The following OBI1 variants were observed in gnomAD, a reference collection of about 807,000 sequenced individuals.
OBI1 encodes ring finger protein 219.
OBI1 carries 59 observed loss-of-function variants against 62.4 expected under a neutral mutation model. That is an observed-to-expected ratio of 0.95 (90% CI 0.77 to 1.17). The LOEUF (loss-of-function observed/expected upper bound fraction) is 1.17. Among genes scored for constraint, OBI1 ranks in the 50% most tolerant of loss-of-function variants. The pLI, the probability that OBI1 is intolerant of heterozygous loss-of-function variation, is 0.00. For missense variants in OBI1, 875 were observed against 830.9 expected (o/e 1.05, Z -0.65); for synonymous variants, 302 against 292.8 (o/e 1.03, Z -0.32).
chr13:78,616,221 T>C lies in OBI1; in HGVS notation c.1540A>G (p.Ile514Val), dbSNP rs533232798. 7.4e-6 allele frequency: 12 copies of C among 1,614,092 alleles called. No homozygotes were observed. Among genetic ancestry groups the C allele is most frequent in the East Asian group, 4.5e-5 (2 of 44,870 alleles). ...GTCCGGTTCATTTCAAAAGAGCGAA[T>C]AGAATTCAACCTTTTGGATAAACAT... ...GLCLSKRLNSIRSFEMNRTRT... is the reference protein window; with the variant it reads ...GLCLSKRLNSVRSFEMNRTRT... Residue 514 changes from isoleucine to valine, a missense_variant, in exon 6 of 6, where the codon ATT (isoleucine) becomes GTT (valine). By Grantham distance (29) the Ile-to-Val change is conservative. Coordinates refer to ENST00000282003, the MANE Select transcript of OBI1 (RefSeq NM_024546.4).
At position 78,616,019 on chromosome 13, in the gene OBI1, T is replaced by G. The variant is rs369495978; in HGVS notation, c.1742A>C (p.Asp581Ala). 4 of 1,614,170 alleles carry G rather than the reference T, an allele frequency of 2.5e-6. No homozygotes were observed. Among genetic ancestry groups the G allele is most frequent in the African/African-American group, 1.3e-5 (1 of 75,052 alleles). ...TAGCTCAGTTTTTTCTTCCAACTTA[T>G]CAGGTTCCTCAAGAAATTCACTGCC... Reference protein sequence around the residue: ...SQGSEFLEEPDKLEEKTELNL... With the variant: ...SQGSEFLEEPAKLEEKTELNL... Residue 581 changes from aspartate to alanine, a missense_variant, in exon 6 of 6, where the codon GAT becomes GCT. Coordinates refer to ENST00000282003, the MANE Select transcript of OBI1 (RefSeq NM_024546.4).
rs560505905 is a variant in OBI1 at position 78,653,363 on chromosome 13, C to T, written c.72+5686G>A. On this transcript the variant is annotated intron_variant, in intron 1 of 5. Coordinates refer to ENST00000282003, the MANE Select transcript of OBI1 (RefSeq NM_024546.4). ...CCATGTCCCTGGGGGACAAAATCTA[C>T]CTCCACCTAGTTGAGAACCACTAGT... Among the ~76,000 whole-genome samples the T allele has an allele frequency of 6.6e-5, 10 of 152,308 alleles. No homozygotes were observed. In the South Asian group the frequency reaches 1.7e-3, roughly 25 times the overall value.
intron 5 of OBI1, among the ~76,000 whole-genome samples, chr13:78,632,836 G>C (rs944504879): frequency 6.6e-6 from 1 of 152,234 alleles, no homozygotes; most frequent in African/African-American, 2.4e-5. Context: ...ACGGTTTTCA[G>C]CTCAAATCGC....
chr13:78,616,890 A>T lies in OBI1; in HGVS notation c.871T>A (p.Ser291Thr). Residue 291 changes from serine to threonine, a missense_variant, in exon 6 of 6, where the codon TCA becomes ACA. Ser to Thr is a moderately conservative substitution (Grantham distance 58, BLOSUM62 1). Transcript: ENST00000282003. ...GSKGSEEDVVSKNQGDSARKQ... is the reference protein window; with the variant it reads ...GSKGSEEDVVTKNQGDSARKQ... ...CTGGCACTATCGCCTTGATTCTTTG[A>T]CACCACATCCTCCTCACTGCCTTTG... is the stretch of plus-strand genomic sequence containing the variant. 1 of 1,614,162 alleles carries T rather than the reference A, an allele frequency of 6.2e-7. No individual in the cohort carries two copies. Among genetic ancestry groups the T allele is most frequent in the Non-Finnish European group, 8.5e-7 (1 of 1,180,032 alleles).
intron 5 of OBI1, among the ~76,000 whole-genome samples, chr13:78,625,023 A>G (rs1311802606): frequency 6.6e-6 from 1 of 152,164 alleles, no homozygotes; most frequent in East Asian, 1.9e-4. Flanking sequence ...AATAAATTCT[A>G]TTCTATTTGA....
chr13:78,644,817 A>G (rs778993993), intron 2 of OBI1, 45 bp downstream of exon 2: 4 of 1,582,274 alleles, frequency 2.5e-6, no homozygotes, highest in African/African-American at 1.3e-5. Context: ...TTATTTGGAG[A>G]TTGTTTCAAA....
At chr13:78,654,571 A>G (rs776258214) in intron 1 of OBI1, among the ~76,000 whole-genome samples, 26 of 152,324 alleles carry the variant, frequency 1.7e-4, no homozygotes, top group Non-Finnish European at 1.5e-4. Context: ...TAAGTTGCAT[A>G]AGGCTTTGTC....
rs1465981249 is a variant in OBI1 at position 78,616,694 on chromosome 13, G to A, written c.1067C>T (p.Thr356Ile). The change falls in exon 6 of 6, where the codon ACA (threonine) becomes ATA (isoleucine). Residue 356 changes from threonine (T) to isoleucine (I), a missense_variant. By Grantham distance (89) the Thr-to-Ile change is moderately conservative. Coordinates refer to ENST00000282003, the MANE Select transcript of OBI1 (RefSeq NM_024546.4). ...CAAATAAGTATCCATACTTGTATCT[G>A]TCACATCTAACATTACTTCTACCTG... ...QEQVEVMLDV[T>I]DTSMDTYLER... is the part of the protein sequence containing the mutation. The A allele has an allele frequency of 6.2e-7, 1 of 1,614,134 alleles. No homozygotes were observed. Among genetic ancestry groups the A allele is most frequent in the Admixed American group, 1.7e-5 (1 of 60,030 alleles).
chr13:78,625,580 C>T (rs1032672189), intron 5 of OBI1, among the ~76,000 whole-genome samples: 1 of 152,196 alleles, frequency 6.6e-6, no homozygotes, highest in Non-Finnish European at 1.5e-5. Flanking sequence ...ACTGCTTAGT[C>T]ATTAGCATGC....
chr13:78,657,020 G>A lies in OBI1; in HGVS notation c.72+2029C>T, dbSNP rs560971291. Among the ~76,000 whole-genome samples, 16 of 151,834 alleles carry A rather than the reference G, an allele frequency of 1.1e-4. No homozygotes were observed. The East Asian group carries it at 2.3e-3, about 22-fold the overall frequency. The stretch of plus-strand genomic sequence containing the variant: ...TGCTGGTCTCAAACTCCTGACCTCA[G>A]GCGATCTGCCCGCCTCGGCCTCCCA... On this transcript the variant is annotated intron_variant, in intron 1 of 5. Coordinates refer to ENST00000282003, the MANE Select transcript of OBI1 (RefSeq NM_024546.4).
chr13:78,620,467 T>G, intron 5 of OBI1: 1 of 323,148 alleles, frequency 3.1e-6, no homozygotes, highest in Admixed American at 4.3e-5. Flanking sequence ...AAAGTAGCAG[T>G]GATGGCCAAA....
chr13:78,618,079 TA>T (rs1875376593), intron 5 of OBI1, among the ~76,000 whole-genome samples: 1 of 152,072 alleles, frequency 6.6e-6, no homozygotes, highest in Non-Finnish European at 1.5e-5. Context: ...CCAAGGGACA[TA>T]AAATATCTAC....
chr13:78,642,627 G>A (rs899679167), intron 2 of OBI1, among the ~76,000 whole-genome samples: 3 of 152,218 alleles, frequency 2.0e-5, no homozygotes, highest in African/African-American at 7.2e-5. Flanking sequence ...GCTCACGCCT[G>A]TAATCCCAGC....
intron 5 of OBI1, among the ~76,000 whole-genome samples, chr13:78,628,764 A>G (rs1176824567): frequency 6.6e-6 from 1 of 152,190 alleles, no homozygotes; most frequent in Non-Finnish European, 1.5e-5. Context: ...AAAATGGAAG[A>G]AGGGAAATTT....
chr13:78,641,344 T>C (rs922309684), intron 3 of OBI1, among the ~76,000 whole-genome samples: 2 of 152,148 alleles, frequency 1.3e-5, no homozygotes, highest in African/African-American at 4.8e-5. Context: ...TGAATAAACA[T>C]ATATTCAATC....
In OBI1 at chr13:78,635,121, T is replaced by C; in HGVS notation, c.627A>G (p.Arg209=). ...AGCAAAATACATACTTTTGAGGTGA[T>C]CTGTTATCAACTTCAGCCTTCAGTC... ...NLRLKAEVDN[R]SPQKFGRFAV... Residue 209 remains arginine (R), a synonymous_variant, in exon 5 of 6, where the codon AGA becomes AGG. Transcript: ENST00000282003. 6.2e-7 allele frequency: 1 copy of C among 1,602,548 alleles called. No individual in the cohort carries two copies. The highest frequency in any genetic ancestry group is 8.5e-7 in the Non-Finnish European group (1 of 1,171,580).
rs187035240 is a variant in OBI1, at chr13:78,640,186, C to T, written c.301-1115G>A. On this transcript the variant is annotated intron_variant, in intron 3 of 5. Transcript: ENST00000282003. Reference sequence around the variant, plus strand: ...AATTTGAAAGTACATTGAGGGGGGCCGGGTTAAAAAAAAAAAAGGTACAGT... The same window carrying T: ...AATTTGAAAGTACATTGAGGGGGGCTGGGTTAAAAAAAAAAAAGGTACAGT... 2.7e-4 allele frequency among the ~76,000 whole-genome samples: 41 copies of T among 150,430 alleles called. No individual in the cohort carries two copies. The East Asian group carries it at 4.9e-3, about 18-fold the overall frequency.
intron 5 of OBI1, among the ~76,000 whole-genome samples, chr13:78,627,079 G>T (rs753639560): frequency 6.6e-6 from 1 of 152,066 alleles, no homozygotes; most frequent in Non-Finnish European, 1.5e-5. Flanking sequence ...CAGTAGAAAG[G>T]CTGTTACAAC....
In OBI1 at chr13:78,654,041, A is replaced by AC. The variant is rs545129667; in HGVS notation, c.72+5007_72+5008insG. ...CCTATAACTTAAGGAAAAAAAAAAA[A>AC]AAAAAACCTGTGTGAAATAAGTCAC... is the stretch of plus-strand genomic sequence containing the variant. On this transcript the variant is annotated intron_variant, in intron 1 of 5. Coordinates refer to ENST00000282003, the MANE Select transcript of OBI1 (RefSeq NM_024546.4). Among the ~76,000 whole-genome samples, 420 of 151,420 alleles carry AC rather than the reference A, an allele frequency of 2.8e-3. 3 individuals carry two copies. Among genetic ancestry groups the AC allele is most frequent in the African/African-American group, 9.0e-3 (373 of 41,328 alleles).
Sources: gnomAD v4.1 joint callset for allele counts (sites outside exome capture counted in the v4.1 genomes callset) on GRCh38, gnomAD v4.1.1 for gene constraint, MANE v1.5 for transcripts, NCBI Gene and HGNC (gene_info 2026-07-23, HGNC 2026-07-21) for gene names.